The following NID1 variants were observed in gnomAD, a reference collection of about 807,000 sequenced individuals.
NID1 encodes nidogen 1.
A neutral mutation model predicts 130.6 loss-of-function variants in NID1; 76 were observed. The ratio of observed to expected loss-of-function variants is 0.58; its 90% CI spans 0.48 to 0.70. The LOEUF (loss-of-function observed/expected upper bound fraction) is 0.70. Ranked by LOEUF, NID1 falls within the 30% of genes least tolerant of loss-of-function variation. NID1 has a pLI of 0.00. For missense variants in NID1, 1,517 were observed against 1,664.8 expected (o/e 0.91, Z 1.54); for synonymous variants, 665 against 675.1 (o/e 0.98, Z 0.23).
intron 1 of NID1, among the ~76,000 whole-genome samples, chr1:236,052,816 G>T (rs1010984814): frequency 1.3e-5 from 2 of 152,218 alleles, no homozygotes; most frequent in Admixed American, 1.3e-4. Context: ...ACCTGTCCAG[G>T]GTGGCTCCTG....
At chr1:236,003,188 G>A (rs9726910) in intron 12 of NID1, among the ~76,000 whole-genome samples, 19,010 of 69,072 alleles carry the variant, frequency 0.28, 3,588 homozygotes, top group African/African-American at 0.3. Flanking sequence ...GTGAACGACT[G>A]GTAGTTGTCA....
chr1:236,030,304 C>T (rs951180538), intron 6 of NID1, among the ~76,000 whole-genome samples: 5 of 152,156 alleles, frequency 3.3e-5, no homozygotes, highest in African/African-American at 9.7e-5. Context: ...CTGTGCAAGG[C>T]GGCAGCCCCA....
chr1:235,981,524 T>G, intron 16 of NID1, 87 bp downstream of exon 16: 1 of 1,410,444 alleles, frequency 7.1e-7, no homozygotes, highest in Non-Finnish European at 9.7e-7. Flanking sequence ...AGGAGACCAA[T>G]GCTGGAGTTA....
intron 14 of NID1, among the ~76,000 whole-genome samples, chr1:235,990,403 T>A (rs912044367): frequency 6.6e-6 from 1 of 152,168 alleles, no homozygotes; most frequent in Non-Finnish European, 1.5e-5. Flanking sequence ...TCACTCCTCA[T>A]AGGACCCTCA....
At position 236,029,742 on chromosome 1, in the gene NID1, A is replaced by G; in HGVS notation, c.1546T>C (p.Phe516Leu). The change falls in exon 7 of 20, where the codon TTC (phenylalanine) becomes CTC (leucine). Residue 516 changes from phenylalanine (F) to leucine (L), a missense_variant. Physicochemically the swap from Phe to Leu is conservative, Grantham distance 22. Around this residue, in one of 3 missense-constraint regions of NID1, gnomAD observed 1,329 missense variants for 1,429.2 expected, o/e 0.93. Transcript: ENST00000264187. ...KNGFSITGGE[F>L]TRQAEVTFVG... The stretch of plus-strand genomic sequence containing the variant: ...AAGGTCACCTCAGCCTGGCGAGTGA[A>G]CTCACCCCCTGAAAAACAAGATGAG... 1 of 1,613,864 alleles carries G rather than the reference A, an allele frequency of 6.2e-7. No homozygotes were observed. The highest frequency in any genetic ancestry group is 8.5e-7 in the Non-Finnish European group (1 of 1,179,958).
In NID1 at chr1:235,977,719, A is replaced by T. The variant is rs1017846337; in HGVS notation, c.*148T>A. On this transcript the variant is annotated 3_prime_UTR_variant, in exon 20 of 20. Coordinates refer to ENST00000264187, the MANE Select transcript of NID1 (RefSeq NM_002508.3). ...GTCCAGGGTGCATGTTTTGGGGAAC[A>T]GTGAGGGAAAAGTTGTTGGGGCTCA... is the stretch of plus-strand genomic sequence containing the variant. 11 of 816,226 alleles carry T rather than the reference A, an allele frequency of 1.3e-5. No homozygotes were observed. The highest frequency in any genetic ancestry group is 2.1e-5 in the Non-Finnish European group (11 of 513,216). 50.6% of individuals were successfully genotyped at this position (816,226 alleles called of 1,614,324 possible).
chr1:236,011,123 G>A (rs1466253714), intron 12 of NID1, among the ~76,000 whole-genome samples: 1 of 152,044 alleles, frequency 6.6e-6, no homozygotes, highest in Non-Finnish European at 1.5e-5. Flanking sequence ...GCTAGTGAAG[G>A]GGATGGTTAT....
chr1:235,988,637 T>C (rs909202142), intron 14 of NID1, among the ~76,000 whole-genome samples: 2 of 152,184 alleles, frequency 1.3e-5, no homozygotes, highest in African/African-American at 4.8e-5. Flanking sequence ...TGCTGATAGA[T>C]GAATAAATAC....
chr1:235,980,369 A>G, intron 17 of NID1, 127 bp downstream of exon 17: 1 of 909,868 alleles, frequency 1.1e-6, no homozygotes, highest in African/African-American at 1.7e-5. Context: ...AACCGTAAAA[A>G]CCATTCATAG....
At chr1:236,007,137 C>T (rs1658271645) in intron 12 of NID1, among the ~76,000 whole-genome samples, 1 of 152,176 alleles carries the variant, frequency 6.6e-6, no homozygotes. Flanking sequence ...GATGCTCTTG[C>T]CTCGGCCTTG....
At chr1:236,024,531 A>T (rs986798467) in intron 8 of NID1, among the ~76,000 whole-genome samples, 2 of 152,184 alleles carry the variant, frequency 1.3e-5, no homozygotes, top group Non-Finnish European at 2.9e-5. Context: ...TAAAATACCT[A>T]CTATCTGGTC....
chr1:236,011,305 TC>T (rs1448964438), intron 12 of NID1, among the ~76,000 whole-genome samples: 2 of 142,608 alleles, frequency 1.4e-5, no homozygotes, highest in Admixed American at 7.3e-5. Flanking sequence ...TCTTTTTTTT[TC>T]TTTTTTTTTT....
At chr1:235,991,377 G>A (rs1200007225) in intron 13 of NID1, among the ~76,000 whole-genome samples, 3 of 151,994 alleles carry the variant, frequency 2.0e-5, no homozygotes, top group Non-Finnish European at 2.9e-5. Flanking sequence ...CTGTCACCCA[G>A]GCCAGAGTGC....
At chr1:236,051,379 A>G (rs375212118) in intron 1 of NID1, among the ~76,000 whole-genome samples, 2 of 152,116 alleles carry the variant, frequency 1.3e-5, no homozygotes, top group African/African-American at 4.8e-5. Context: ...TAAAGACCAA[A>G]CTCTAAACAT....
chr1:236,045,545 T>C lies in NID1; in HGVS notation c.664A>G (p.Ser222Gly), dbSNP rs1405387539. 23 of 1,614,064 alleles carry C rather than the reference T, an allele frequency of 1.4e-5. No homozygotes were observed. The South Asian group carries it at 2.5e-4, about 18-fold the overall frequency. Residue 222 changes from serine to glycine, a missense_variant, in exon 3 of 20, where the codon AGT (serine) becomes GGT (glycine). Physicochemically the swap from Ser to Gly is moderately conservative, Grantham distance 56. This residue lies in a region of NID1 where 1,329 missense variants were observed against 1,429.2 expected (regional missense o/e 0.93). Transcript: ENST00000264187. ...NNQVPAVVAF[S>G]QGSVGFLWKS... ...CATAAGAATCCCACTGAACCTTGACTGAATGCAACCACGGCAGGAACTTGG... is the reference window on the plus strand; with the variant it reads ...CATAAGAATCCCACTGAACCTTGACCGAATGCAACCACGGCAGGAACTTGG...
chr1:235,996,248 G>A (rs1657917323), intron 12 of NID1, among the ~76,000 whole-genome samples: 1 of 152,198 alleles, frequency 6.6e-6, no homozygotes, highest in African/African-American at 2.4e-5. Flanking sequence ...CCTGCTGTCA[G>A]GGAGCTCACA....
At chr1:236,037,522 G>A (rs937338778) in intron 5 of NID1, among the ~76,000 whole-genome samples, 3 of 152,104 alleles carry the variant, frequency 2.0e-5, no homozygotes, top group Admixed American at 6.6e-5. Flanking sequence ...GCTGGGTTTG[G>A]TGGCGCACAT....
intron 5 of NID1, among the ~76,000 whole-genome samples, chr1:236,037,902 A>G (rs886781086): frequency 6.6e-6 from 1 of 152,166 alleles, no homozygotes; most frequent in Non-Finnish European, 1.5e-5. Context: ...AGACTTTGCC[A>G]TATTTGAAAA....
Position 236,048,867 on chromosome 1 carries a change from G to A in NID1, c.348C>T (p.Gly116=), listed in dbSNP as rs1241996702. Residue 116 remains glycine, a synonymous_variant, in exon 2 of 20, where the codon GGC becomes GGT. Transcript: ENST00000264187. ...PFLADLDTTD[G]LGKVYYREDL... Reference sequence around the variant, plus strand: ...CTTCTCGATAATAAACCTTCCCCAGGCCATCGGTCGTGTCCAAGTCCGCCA... The same window carrying A: ...CTTCTCGATAATAAACCTTCCCCAGACCATCGGTCGTGTCCAAGTCCGCCA... The A allele has an allele frequency of 6.2e-7, 1 of 1,614,020 alleles. No homozygotes were observed. The highest frequency in any genetic ancestry group is 2.2e-5 in the East Asian group (1 of 44,894).
Sources: allele counts gnomAD v4.1 joint callset (sites outside exome capture counted in the v4.1 genomes callset), GRCh38; gene constraint gnomAD v4.1.1; regional missense constraint gnomAD v4.1.1; transcripts MANE v1.5; gene names NCBI Gene and HGNC (gene_info 2026-07-23, HGNC 2026-07-21).